The following BACH1 variants were observed in gnomAD, a reference collection of about 807,000 sequenced individuals.
BACH1 encodes transcription regulator protein BACH1.
BACH1 carries 35 observed loss-of-function variants against 52.9 expected under a neutral mutation model. The ratio of observed to expected loss-of-function variants is 0.66; its 90% CI spans 0.51 to 0.88. The LOEUF (loss-of-function observed/expected upper bound fraction) is 0.88, where lower values mean the gene tolerates loss of function less well. Ranked by LOEUF, BACH1 falls within the 40% of genes least tolerant of loss-of-function variation. The pLI is 0.00. For synonymous variants in BACH1, 321 were observed against 319.6 expected (o/e 1.00, Z -0.05); for missense variants, 808 against 872.6 (o/e 0.93, Z 0.93).
intron 2 of BACH1, among the ~76,000 whole-genome samples, chr21:29,355,483 A>G (rs1252589860): frequency 6.6e-6 from 1 of 152,202 alleles, no homozygotes; most frequent in African/African-American, 2.4e-5. Context: ...TCTAAACAGG[A>G]CACCCCAACT....
downstream of BACH1, among the ~76,000 whole-genome samples, chr21:29,348,330 C>A (rs939048267): frequency 2.6e-5 from 4 of 152,264 alleles, no homozygotes; most frequent in African/African-American, 9.6e-5. Flanking sequence ...ATTATCATAG[C>A]CTTGGCCCCA....
Position 29,327,189 on chromosome 21 carries a change from A to C in BACH1, c.1365A>C (p.Thr455=), listed in dbSNP as rs189708113. The part of the protein sequence containing the change: ...SPEPGQRTFT[T]LSSVNCPFIS... Reference sequence around the variant, plus strand: ...AACCAGGTCAAAGGACTTTCACAACATTAAGTTCTGTCAACTGCCCTTTTA... The same window carrying C: ...AACCAGGTCAAAGGACTTTCACAACCTTAAGTTCTGTCAACTGCCCTTTTA... The change falls in exon 3 of 5, where the codon ACA becomes ACC. Residue 455 remains threonine (T), a synonymous_variant. Coordinates refer to ENST00000286800, the MANE Select transcript of BACH1 (RefSeq NM_001186.4). 3.1e-6 allele frequency: 5 copies of C among 1,614,236 alleles called. No homozygotes were observed. In the East Asian group the frequency reaches 1.1e-4, roughly 36 times the overall value.
downstream of BACH1, among the ~76,000 whole-genome samples, chr21:29,349,093 C>CA (rs35556925): frequency 0.025 from 2,995 of 122,226 alleles, 61 homozygotes; most frequent in African/African-American, 0.053. Context: ...GACTCCGTCT[C>CA]AAAAAAAAAA....
At chr21:29,349,068 T>G (rs2089187785), downstream of BACH1, among the ~76,000 whole-genome samples, 1 of 149,792 alleles carries the variant, frequency 6.7e-6, no homozygotes, top group South Asian at 2.1e-4. Flanking sequence ...CTATCCAGCC[T>G]GGGCGACAGA....
At chr21:29,301,232 T>A (rs1486781817) in intron 1 of BACH1, among the ~76,000 whole-genome samples, 1 of 152,174 alleles carries the variant, frequency 6.6e-6, no homozygotes, top group Non-Finnish European at 1.5e-5. Flanking sequence ...GCAAGGAGGT[T>A]CATTTGGAAG....
chr21:29,339,392 G>A (rs1314361113), intron 4 of BACH1, among the ~76,000 whole-genome samples: 1 of 152,024 alleles, frequency 6.6e-6, no homozygotes, highest in Non-Finnish European at 1.5e-5. Flanking sequence ...ATATTTCTCA[G>A]TGCCATTTGC....
downstream of BACH1, among the ~76,000 whole-genome samples, chr21:29,346,701 C>T (rs1346088172): frequency 3.3e-5 from 5 of 152,150 alleles, no homozygotes; most frequent in Non-Finnish European, 7.3e-5. Flanking sequence ...ATCTGGCTGA[C>T]ATTGAGAAAC....
intron 4 of BACH1, among the ~76,000 whole-genome samples, 198 bp from the exon 5 acceptor site, chr21:29,342,201 C>T (rs1019082951): frequency 6.6e-6 from 1 of 152,154 alleles, no homozygotes; most frequent in Non-Finnish European, 1.5e-5. Flanking sequence ...TGCTTTGTGC[C>T]AAAATACATC....
At chr21:29,333,708 A>G (rs1046116754) in intron 4 of BACH1, among the ~76,000 whole-genome samples, 2 of 152,218 alleles carry the variant, frequency 1.3e-5, no homozygotes, top group Non-Finnish European at 2.9e-5. Context: ...TAGATTCTGG[A>G]TGGATCAGCA....
intron 4 of BACH1, among the ~76,000 whole-genome samples, chr21:29,333,132 A>C (rs1357923203): frequency 1.3e-5 from 2 of 152,244 alleles, no homozygotes; most frequent in Admixed American, 1.3e-4. Context: ...GATAAACATA[A>C]ACAGAAAATA....
At chr21:29,323,293 G>A (rs1371686537) in intron 2 of BACH1, among the ~76,000 whole-genome samples, 1 of 152,182 alleles carries the variant, frequency 6.6e-6, no homozygotes, top group Non-Finnish European at 1.5e-5. Flanking sequence ...CCTGCAAGCT[G>A]AGGAGGAAGG....
chr21:29,351,444 G>A (rs2089201454), intron 2 of BACH1, among the ~76,000 whole-genome samples: 1 of 152,150 alleles, frequency 6.6e-6, no homozygotes, highest in Admixed American at 6.5e-5. Flanking sequence ...TGTTTTCCTT[G>A]CTTTGATTTA....
At chr21:29,301,586 A>G (rs2088604417) in intron 1 of BACH1, among the ~76,000 whole-genome samples, 1 of 152,234 alleles carries the variant, frequency 6.6e-6, no homozygotes. Context: ...TACAAAAAAT[A>G]CAGAATTTCA....
downstream of BACH1, chr21:29,346,184 A>T (rs1366467076): frequency 6.6e-6 from 1 of 152,090 alleles, no homozygotes; most frequent in Admixed American, 6.6e-5. Flanking sequence ...TTCTCACTTC[A>T]TGTGGATTTA....
At chr21:29,334,096 T>A (rs147049957) in intron 4 of BACH1, among the ~76,000 whole-genome samples, 199 of 150,874 alleles carry the variant, frequency 1.3e-3, no homozygotes, top group South Asian at 1.9e-3. Context: ...TTTTGTTATT[T>A]TTTTTATTTT....
At chr21:29,330,686 T>C (rs1046432713) in intron 4 of BACH1, among the ~76,000 whole-genome samples, 2 of 152,172 alleles carry the variant, frequency 1.3e-5, no homozygotes, top group Admixed American at 1.3e-4. Context: ...CAATTTTGTG[T>C]CTATTAATTG....
At chr21:29,321,061 A>G (rs1454290105) in intron 1 of BACH1, among the ~76,000 whole-genome samples, 160 bp from the exon 2 acceptor site, 2 of 152,204 alleles carry the variant, frequency 1.3e-5, no homozygotes, top group Non-Finnish European at 2.9e-5. Context: ...TCAAGAACCT[A>G]TTTTAAATGA....
Position 29,344,746 on chromosome 21 carries a change from T to C in BACH1, c.*1913T>C, listed in dbSNP as rs2089152081. 6.6e-6 allele frequency: 1 copy of C among 152,542 alleles called. No individual in the cohort carries two copies. The highest frequency in any genetic ancestry group is 2.4e-5 in the African/African-American group (1 of 41,416). The allele number at this position is 152,542 out of a possible 1,614,324, so 9.4% of individuals were successfully genotyped here. A position where few individuals can be genotyped will look rare whatever the true frequency, so the allele number is the denominator to read the frequency against. On this transcript the variant is annotated 3_prime_UTR_variant, in exon 5 of 5. Transcript: ENST00000286800. ...GTAATTTTAAATTTCAGCTTCACGATATAAAATAATATAAGAACTTCTGGT... is the reference window on the plus strand; with the variant it reads ...GTAATTTTAAATTTCAGCTTCACGACATAAAATAATATAAGAACTTCTGGT...
intron 1 of BACH1, among the ~76,000 whole-genome samples, chr21:29,310,113 C>G (rs1300571783): frequency 1.3e-5 from 2 of 152,078 alleles, no homozygotes; most frequent in Middle Eastern, 3.2e-3. Flanking sequence ...AGTTTTAGAG[C>G]CCATCAACTT....
Sources: gnomAD v4.1 joint callset for allele counts (sites outside exome capture counted in the v4.1 genomes callset) on GRCh38, gnomAD v4.1.1 for gene constraint, MANE v1.5 for transcripts, NCBI Gene and HGNC (gene_info 2026-07-23, HGNC 2026-07-21) for gene names.